VPS50: variants seen among roughly 807,000 people sequenced by gnomAD.
VPS50 encodes the protein syndetin.
VPS50 carries 70 observed loss-of-function variants against 139.7 expected under a neutral mutation model. The ratio of observed to expected loss-of-function variants is 0.50; its 90% CI spans 0.41 to 0.61. VPS50 has a LOEUF of 0.61. Among genes scored for constraint, VPS50 ranks in the 20% least tolerant of loss-of-function variants. The probability of loss-of-function intolerance (pLI) is 0.00; values close to 1 mark genes in which losing one functional copy is unlikely to be tolerated. For missense variants in VPS50, 921 were observed against 1,133.7 expected (o/e 0.81, Z 2.69); for synonymous variants, 365 against 376.7 (o/e 0.97, Z 0.36).
intron 26 of VPS50, among the ~76,000 whole-genome samples, chr7:93,354,039 A>T (rs567791808): frequency 1.3e-5 from 2 of 152,318 alleles, no homozygotes; most frequent in South Asian, 4.1e-4. Context: ...CTTAATAATA[A>T]AATTATGATG....
chr7:93,268,768 ATG>A (rs966661826), intron 9 of VPS50, among the ~76,000 whole-genome samples: 4 of 152,070 alleles, frequency 2.6e-5, no homozygotes, highest in African/African-American at 9.7e-5. Flanking sequence ...TGCTATTCAC[ATG>A]TCTTTGCTAT....
intron 12 of VPS50, 123 bp downstream of exon 12, chr7:93,276,428 AT>A (rs890309888): frequency 2.0e-5 from 27 of 1,325,078 alleles, no homozygotes; most frequent in African/African-American, 5.9e-5. Flanking sequence ...TTTGCCAAAA[AT>A]TTTTTTTCTC....
At chr7:93,288,704 T>A (rs539060519) in intron 12 of VPS50, among the ~76,000 whole-genome samples, 1 of 152,238 alleles carries the variant, frequency 6.6e-6, no homozygotes, top group African/African-American at 2.4e-5. Flanking sequence ...GAAGATATTA[T>A]TGTAATAGGG....
chr7:93,321,419 C>T (rs1001159776), intron 20 of VPS50, among the ~76,000 whole-genome samples: 8 of 152,024 alleles, frequency 5.3e-5, no homozygotes, highest in African/African-American at 1.9e-4. Context: ...GTTCTGTCCT[C>T]TTGAACTGGA....
chr7:93,252,808 C>A (rs1184602607), intron 3 of VPS50, 33 bp downstream of exon 3: 1 of 1,536,656 alleles, frequency 6.5e-7, no homozygotes, highest in African/African-American at 1.4e-5. Flanking sequence ...ATAACTAAGG[C>A]CTGTTTTGTT....
chr7:93,236,745 C>T (rs1794813156), intron 1 of VPS50, among the ~76,000 whole-genome samples: 1 of 152,018 alleles, frequency 6.6e-6, no homozygotes, highest in Non-Finnish European at 1.5e-5. Flanking sequence ...TGTTAAAAAT[C>T]TGTAATTCTA....
chr7:93,329,666 A>G (rs993150559), intron 21 of VPS50, among the ~76,000 whole-genome samples: 3 of 152,176 alleles, frequency 2.0e-5, no homozygotes, highest in African/African-American at 7.2e-5. Flanking sequence ...TAGATGTATT[A>G]TATAAAAGGG....
At chr7:93,286,780 AT>A (rs1219790497) in intron 12 of VPS50, among the ~76,000 whole-genome samples, 1 of 152,080 alleles carries the variant, frequency 6.6e-6, no homozygotes, top group Non-Finnish European at 1.5e-5. Context: ...TTTGGAGGTC[AT>A]TTTTATAAAG....
rs372811184 is a variant in VPS50, at chr7:93,295,331, G to T, written c.1167+695G>T. On this transcript the variant is annotated intron_variant, in intron 14 of 27. Transcript: ENST00000305866. ...GGAAGGGATGAAGGAGCTCTCTGGGGTCCCTTCTATAGGGGAACTAATCTA... is the reference window on the plus strand; with the variant it reads ...GGAAGGGATGAAGGAGCTCTCTGGGTTCCCTTCTATAGGGGAACTAATCTA... 41 of 152,288 alleles carry T rather than the reference G, an allele frequency of 2.7e-4. No individual in the cohort carries two copies. In the East Asian group the frequency reaches 4.1e-3, roughly 15 times the overall value. 9.4% of individuals were successfully genotyped at this position (152,288 alleles called of 1,614,324 possible). A position where few individuals can be genotyped will look rare whatever the true frequency, so the allele number is the denominator to read the frequency against.
intron 2 of VPS50, among the ~76,000 whole-genome samples, chr7:93,247,441 C>G (rs201510966): frequency 3.3e-5 from 5 of 151,896 alleles, no homozygotes; most frequent in Admixed American, 3.3e-4. Flanking sequence ...TGCACTTTCT[C>G]GATTCAATAT....
At chr7:93,300,289 A>C (rs1398539202) in intron 16 of VPS50, among the ~76,000 whole-genome samples, 1 of 152,144 alleles carries the variant, frequency 6.6e-6, no homozygotes, top group East Asian at 1.9e-4. Context: ...GGAGAAAACA[A>C]TACCAATACA....
At chr7:93,316,188 T>A (rs868166030) in intron 20 of VPS50, among the ~76,000 whole-genome samples, 3 of 152,300 alleles carry the variant, frequency 2.0e-5, no homozygotes, top group South Asian at 2.1e-4. Flanking sequence ...GAGACTCCAG[T>A]TGTCTAGTTT....
chr7:93,262,570 A>G (rs1238503507), intron 9 of VPS50, among the ~76,000 whole-genome samples: 1 of 152,236 alleles, frequency 6.6e-6, no homozygotes, highest in Non-Finnish European at 1.5e-5. Flanking sequence ...CAAATAGGTA[A>G]AAGTACATCA....
At chr7:93,281,609 G>T (rs1055453857) in intron 12 of VPS50, among the ~76,000 whole-genome samples, 6 of 151,942 alleles carry the variant, frequency 3.9e-5, no homozygotes, top group African/African-American at 1.5e-4. Flanking sequence ...TTCTTAAACT[G>T]GTATGTTATT....
At chr7:93,314,204 A>AT (rs35710362) in intron 20 of VPS50, among the ~76,000 whole-genome samples, 1 of 152,178 alleles carries the variant, frequency 6.6e-6, no homozygotes, top group East Asian at 1.9e-4. Flanking sequence ...AGACAGATTA[A>AT]TTTTTGGTGC....
In VPS50 at chr7:93,308,845, A is replaced by G; in HGVS notation, c.1651A>G (p.Lys551Glu). 1.9e-6 allele frequency: 3 copies of G among 1,601,674 alleles called. No homozygotes were observed. Among genetic ancestry groups the G allele is most frequent in the Non-Finnish European group, 1.7e-6 (2 of 1,169,718 alleles). The part of the protein sequence containing the change: ...SNGYESDEQE[K>E]SAYQEYDSDS... ...TCAGTATGAATCTGATGAACAAGAAAAGAGTGCCTATCAAGAGTATGACAG... is the reference window on the plus strand; with the variant it reads ...TCAGTATGAATCTGATGAACAAGAAGAGAGTGCCTATCAAGAGTATGACAG... Residue 551 changes from lysine to glutamate, a missense_variant, in exon 19 of 28, where the codon AAG becomes GAG. Around this residue, in one of 3 missense-constraint regions of VPS50, gnomAD observed 744 missense variants for 930.6 expected, o/e 0.80. Coordinates refer to ENST00000305866, the MANE Select transcript of VPS50 (RefSeq NM_017667.4).
chr7:93,358,421 C>T lies in VPS50; in HGVS notation c.2880C>T (p.Asp960=). ...TTCTAGCAGCTATAGATGATATAGA[C>T]AGACCTAAAAGATAATGAACACAGC... is the stretch of plus-strand genomic sequence containing the variant. ...QKLLAAIDDI[D]RPKR is the part of the protein sequence containing the mutation. Residue 960 remains aspartate, a synonymous_variant, in exon 28 of 28, where the codon GAC becomes GAT. Coordinates refer to ENST00000305866, the MANE Select transcript of VPS50 (RefSeq NM_017667.4). 1 of 1,611,292 alleles carries T rather than the reference C, an allele frequency of 6.2e-7. No individual in the cohort carries two copies. The highest frequency in any genetic ancestry group is 8.5e-7 in the Non-Finnish European group (1 of 1,177,784).
At chr7:93,308,160 T>C (rs1267151021) in intron 18 of VPS50, among the ~76,000 whole-genome samples, 3 of 151,580 alleles carry the variant, frequency 2.0e-5, no homozygotes, top group Non-Finnish European at 4.4e-5. Context: ...ATGATGAAAG[T>C]GCTGTCACTG....
At chr7:93,346,222 C>T (rs1373567861) in intron 23 of VPS50, among the ~76,000 whole-genome samples, 1 of 152,166 alleles carries the variant, frequency 6.6e-6, no homozygotes, top group Non-Finnish European at 1.5e-5. Flanking sequence ...CTCCCATTCA[C>T]AATTGCTTCA....
Sources: allele counts gnomAD v4.1 joint callset (sites outside exome capture counted in the v4.1 genomes callset), GRCh38; gene constraint gnomAD v4.1.1; regional missense constraint gnomAD v4.1.1; transcripts MANE v1.5; gene names NCBI Gene and HGNC (gene_info 2026-07-23, HGNC 2026-07-21).